FSTL5: variants seen among roughly 807,000 people sequenced by gnomAD.
FSTL5 encodes follistatin-related protein 5.
Under a neutral mutation model 89.1 loss-of-function variants are expected in FSTL5, and 62 were observed. That is an observed-to-expected ratio of 0.70 (90% CI 0.57 to 0.86). The LOEUF (loss-of-function observed/expected upper bound fraction) is 0.86, where lower values mean the gene tolerates loss of function less well. FSTL5 is among the 40% of genes least tolerant of loss of function. FSTL5 has a pLI of 0.00. For missense variants in FSTL5, 1,057 were observed against 1,001.6 expected (o/e 1.06, Z -0.75); for synonymous variants, 383 against 346.2 (o/e 1.11, Z -1.18).
At chr4:161,574,681 A>G (rs991328794) in intron 8 of FSTL5, among the ~76,000 whole-genome samples, 1 of 152,152 alleles carries the variant, frequency 6.6e-6, no homozygotes, top group African/African-American at 2.4e-5. Context: ...GTCCCTGCAA[A>G]GGACATTAAC....
At position 161,491,256 on chromosome 4, in the gene FSTL5, A is replaced by G. The variant is rs116731091; in HGVS notation, c.1458+8760T>C. 5.5e-3 allele frequency among the ~76,000 whole-genome samples: 838 copies of G among 152,192 alleles called. 12 individuals carry two copies. The highest frequency in any genetic ancestry group is 0.019 in the African/African-American group (799 of 41,536). ...CCACCGTTAGAAATATATACAGATT[A>G]TATAATCAGTATGCTATTATTTAAT... On this transcript the variant is annotated intron_variant, in intron 12 of 15. Transcript: ENST00000306100.
chr4:162,105,884 G>A (rs935674560), intron 2 of FSTL5, among the ~76,000 whole-genome samples: 5 of 152,054 alleles, frequency 3.3e-5, no homozygotes, highest in Admixed American at 1.3e-4. Context: ...CGTCAGAAGC[G>A]ATAGCAAATT....
chr4:162,128,474 T>A (rs1732169388), intron 1 of FSTL5, among the ~76,000 whole-genome samples: 1 of 152,168 alleles, frequency 6.6e-6, no homozygotes, highest in African/African-American at 2.4e-5. Context: ...CCTTCCACCA[T>A]GTGAGTACAT....
At chr4:161,833,740 C>A (rs1730931171) in intron 4 of FSTL5, among the ~76,000 whole-genome samples, 1 of 151,756 alleles carries the variant, frequency 6.6e-6, no homozygotes, top group African/African-American at 2.4e-5. Flanking sequence ...CTTGGTAGAT[C>A]TTCCTCCATC....
intron 15 of FSTL5, among the ~76,000 whole-genome samples, chr4:161,411,376 G>GA (rs573693443): frequency 0.11 from 15,819 of 141,526 alleles, 829 homozygotes; most frequent in Non-Finnish European, 0.13. Context: ...GGCAGAGACG[G>GA]AAAAAAAAAA....
chr4:161,491,105 T>A (rs190905408), intron 12 of FSTL5, among the ~76,000 whole-genome samples: 60 of 151,982 alleles, frequency 3.9e-4, no homozygotes, highest in African/African-American at 1.3e-3. Flanking sequence ...ATCTGGGCTC[T>A]TTTTTACTAA....
chr4:161,584,325 TTC>T lies in FSTL5; in HGVS notation c.1015+3128_1015+3129del, dbSNP rs1166409951. ...GAATCTTTTCCCAAACAGTCTGTCT[TTC>T]TCTCTGTTTCAACACAGGGACTATT... On this transcript the variant is annotated intron_variant, in intron 8 of 15. Coordinates refer to ENST00000306100, the MANE Select transcript of FSTL5 (RefSeq NM_020116.5). Among the ~76,000 whole-genome samples, 5 of 152,196 alleles carry T rather than the reference TTC, an allele frequency of 3.3e-5. No individual in the cohort carries two copies. In the South Asian group the frequency reaches 1.0e-3, roughly 31 times the overall value.
chr4:161,708,271 T>C (rs55886915), intron 6 of FSTL5, among the ~76,000 whole-genome samples: 5,894 of 152,098 alleles, frequency 0.039, 147 homozygotes, highest in Non-Finnish European at 0.054. Flanking sequence ...TAAGCTTTTA[T>C]AACATAAATT....
chr4:161,775,851 G>A lies in FSTL5; in HGVS notation c.606+27C>T, dbSNP rs369358063. The A allele has an allele frequency of 1.5e-4, 183 of 1,196,376 alleles. 1 individual carries two copies. Among genetic ancestry groups the A allele is most frequent in the Admixed American group, 6.2e-4 (23 of 37,138 alleles). 74.1% of individuals were successfully genotyped at this position (1,196,376 alleles called of 1,614,324 possible). A position where few individuals can be genotyped will look rare whatever the true frequency, so the allele number is the denominator to read the frequency against. ...TATTGTGCATGCTATATTTCAGTAA[G>A]TTTGTTAATATAGTCACTAATCATA... On this transcript the variant is annotated intron_variant, in intron 5 of 15. Coordinates refer to ENST00000306100, the MANE Select transcript of FSTL5 (RefSeq NM_020116.5).
At chr4:161,439,579 A>T (rs938154053) in intron 15 of FSTL5, among the ~76,000 whole-genome samples, 2 of 152,218 alleles carry the variant, frequency 1.3e-5, no homozygotes, top group African/African-American at 4.8e-5. Flanking sequence ...ATCATTACAA[A>T]CACAGATAAA....
chr4:162,116,603 A>G (rs1466943713), intron 1 of FSTL5, among the ~76,000 whole-genome samples: 1 of 152,148 alleles, frequency 6.6e-6, no homozygotes, highest in Non-Finnish European at 1.5e-5. Flanking sequence ...TACATCAGGA[A>G]TAAGGGGCTT....
intron 7 of FSTL5, among the ~76,000 whole-genome samples, chr4:161,642,922 C>A (rs1404496798): frequency 6.6e-6 from 1 of 152,064 alleles, no homozygotes; most frequent in Non-Finnish European, 1.5e-5. Flanking sequence ...ACACTGCCCT[C>A]TATAGTTAAA....
intron 13 of FSTL5, among the ~76,000 whole-genome samples, chr4:161,476,229 C>T (rs1285351123): frequency 9.1e-5 from 8 of 87,696 alleles, no homozygotes; most frequent in African/African-American, 4.1e-4. Flanking sequence ...CTCTTGTTGC[C>T]CAGGCTGGAG....
intron 15 of FSTL5, among the ~76,000 whole-genome samples, chr4:161,396,262 G>C (rs1467768736): frequency 1.3e-5 from 2 of 152,012 alleles, no homozygotes; most frequent in African/African-American, 4.8e-5. Flanking sequence ...CCACACTATA[G>C]ATTTCTATGG....
intron 3 of FSTL5, among the ~76,000 whole-genome samples, chr4:161,969,438 A>G (rs1204707614): frequency 6.6e-6 from 1 of 152,176 alleles, no homozygotes; most frequent in African/African-American, 2.4e-5. Context: ...AAAGAATTAG[A>G]TGTGCAAAAA....
chr4:161,718,289 TG>T (rs1159723812), intron 6 of FSTL5, among the ~76,000 whole-genome samples: 1 of 152,220 alleles, frequency 6.6e-6, no homozygotes, highest in Non-Finnish European at 1.5e-5. Flanking sequence ...GAATTAATTT[TG>T]CTTAATGATT....
At chr4:161,670,629 C>T (rs1464110705) in intron 6 of FSTL5, among the ~76,000 whole-genome samples, 1 of 152,168 alleles carries the variant, frequency 6.6e-6, no homozygotes, top group Non-Finnish European at 1.5e-5. Context: ...ACTGCTACTA[C>T]TGATAAAACT....
At chr4:162,137,012 C>G (rs974145099) in intron 1 of FSTL5, among the ~76,000 whole-genome samples, 2 of 151,632 alleles carry the variant, frequency 1.3e-5, no homozygotes, top group Admixed American at 1.3e-4. Context: ...TGCAGGCAAC[C>G]CAGTTACATA....
chr4:161,759,841 C>T (rs1427795352), intron 5 of FSTL5, among the ~76,000 whole-genome samples: 1 of 151,796 alleles, frequency 6.6e-6, no homozygotes, highest in Non-Finnish European at 1.5e-5. Context: ...TTTCTTTGCT[C>T]CATTTATACT....
Sources: allele counts gnomAD v4.1 joint callset (sites outside exome capture counted in the v4.1 genomes callset), GRCh38; gene constraint gnomAD v4.1.1; transcripts MANE v1.5; gene names NCBI Gene and HGNC (gene_info 2026-07-23, HGNC 2026-07-21).